The following CDH18 variants were observed in gnomAD, a reference collection of about 807,000 sequenced individuals.
CDH18 encodes the protein cadherin 18.
A neutral mutation model predicts 67.9 loss-of-function variants in CDH18; 31 were observed. The ratio of observed to expected loss-of-function variants is 0.46; its 90% confidence interval spans 0.34 to 0.62. The LOEUF is 0.62. Among genes scored for constraint, CDH18 ranks in the 20% least tolerant of loss-of-function variants. The probability of loss-of-function intolerance (pLI) is 0.01; values close to 1 mark genes in which losing one functional copy is unlikely to be tolerated. For missense variants in CDH18, 890 were observed against 975.5 expected, an observed-to-expected ratio of 0.91 and a Z score of 1.17; for synonymous variants, 362 against 347.2, an observed-to-expected ratio of 1.04 and a Z score of -0.48.
intron 2 of CDH18, among the ~76,000 whole-genome samples, chr5:20,068,080 TCTA>T (rs1743141629): frequency 6.6e-6 from 1 of 152,110 alleles, no homozygotes; most frequent in Non-Finnish European, 1.5e-5. Context: ...CAACGTGGAC[TCTA>T]CACTAAGTTC....
chr5:19,759,301 C>A lies in CDH18; in HGVS notation c.229-12065G>T, dbSNP rs185116923. On this transcript the variant is annotated intron_variant, in intron 3 of 12. Transcript: ENST00000382275. ...GAATCACCACCCTTGCATCTTTCAACTCCTTGATGGTGGCACTAATGTCTG... is the reference window on the plus strand; with the variant it reads ...GAATCACCACCCTTGCATCTTTCAAATCCTTGATGGTGGCACTAATGTCTG... Among the ~76,000 whole-genome samples, 541 of 152,300 alleles carry A rather than the reference C, an allele frequency of 3.6e-3. 3 individuals are homozygous for A. Among genetic ancestry groups the A allele is most frequent in the Non-Finnish European group, 6.2e-3 (423 of 68,018 alleles).
At chr5:19,937,781 T>A (rs893540693) in intron 2 of CDH18, among the ~76,000 whole-genome samples, 2 of 150,826 alleles carry the variant, frequency 1.3e-5, no homozygotes, top group Admixed American at 6.6e-5. Context: ...AACAAAAAAA[T>A]TTCAGCAGTT....
chr5:20,520,409 T>C (rs1463568040), intron 1 of CDH18, among the ~76,000 whole-genome samples: 1 of 152,086 alleles, frequency 6.6e-6, no homozygotes, highest in Non-Finnish European at 1.5e-5. Context: ...GGAAACGTTA[T>C]GGTAGAGTCT....
intron 2 of CDH18, among the ~76,000 whole-genome samples, chr5:20,125,519 T>TG (rs1475778130): frequency 6.6e-6 from 1 of 152,088 alleles, no homozygotes; most frequent in Non-Finnish European, 1.5e-5. Context: ...TATATTTCAT[T>TG]GGGGAAAAAA....
Position 19,520,682 on chromosome 5 carries a change from A to G in CDH18, c.1487T>C (p.Val496Ala), listed in dbSNP as rs377476706. ...PELAREYDIIVCENSKPGQVI... is the reference protein window; with the variant it reads ...PELAREYDIIACENSKPGQVI... ...CTGGCCAGGCTTAGAATTTTCACAT[A>G]CAATAATATCATATTCCCTGGCAAG... The change falls in exon 10 of 13, where the codon GTA becomes GCA. Residue 496 changes from valine to alanine, a missense_variant. Transcript: ENST00000382275. The G allele has an allele frequency of 3.8e-5, 61 of 1,612,318 alleles. No homozygotes were observed. Among genetic ancestry groups the G allele is most frequent in the Non-Finnish European group, 4.9e-5 (58 of 1,179,310 alleles).
intron 8 of CDH18, among the ~76,000 whole-genome samples, chr5:19,547,646 T>C (rs1736573654): frequency 2.6e-5 from 4 of 152,280 alleles, no homozygotes; most frequent in African/African-American, 9.6e-5. Flanking sequence ...AACATTTTAA[T>C]TTATATAGTT....
At chr5:20,144,173 G>A (rs1361017661) in intron 2 of CDH18, among the ~76,000 whole-genome samples, 2 of 152,078 alleles carry the variant, frequency 1.3e-5, no homozygotes, top group African/African-American at 2.4e-5. Context: ...CCACCTCTTT[G>A]AGGTTCCAGA....
intron 5 of CDH18, among the ~76,000 whole-genome samples, chr5:19,656,636 A>T (rs1756447833): frequency 6.6e-6 from 1 of 152,148 alleles, no homozygotes; most frequent in Non-Finnish European, 1.5e-5. Flanking sequence ...CTTTTGGTGC[A>T]AACAAGCAAA....
rs193148502 is a variant in CDH18, at chr5:20,167,567, T to C, written c.-518+87877A>G. Among the ~76,000 whole-genome samples the C allele has an allele frequency of 2.6e-5, 4 of 152,242 alleles. No individual in the cohort carries two copies. The East Asian group carries it at 7.7e-4, about 29-fold the overall frequency. The stretch of plus-strand genomic sequence containing the variant: ...ACCAAGAAAAACACTTGGTGCATAG[T>C]AGGCAATGGCGTTAGTTTGGGTACG... On this transcript the variant is annotated intron_variant, in intron 2 of 14. Coordinates refer to the CDH18 transcript ENST00000507958.
chr5:20,052,314 C>A (rs971773648), intron 2 of CDH18, among the ~76,000 whole-genome samples: 5 of 152,054 alleles, frequency 3.3e-5, no homozygotes, highest in African/African-American at 1.2e-4. Flanking sequence ...ATGATGGTAT[C>A]TCTTTGCTAG....
At chr5:19,608,606 A>C (rs1357660870) in intron 6 of CDH18, among the ~76,000 whole-genome samples, 1 of 151,832 alleles carries the variant, frequency 6.6e-6, no homozygotes, top group Non-Finnish European at 1.5e-5. Flanking sequence ...ATGTTTACTA[A>C]CTTTATGGGA....
chr5:19,957,553 A>G (rs1267388560), intron 2 of CDH18, among the ~76,000 whole-genome samples: 1 of 151,894 alleles, frequency 6.6e-6, no homozygotes, highest in Admixed American at 6.6e-5. Context: ...AAATGTTTCT[A>G]TTTAGAAACA....
At chr5:19,663,761 A>G (rs995740270) in intron 5 of CDH18, among the ~76,000 whole-genome samples, 1 of 151,950 alleles carries the variant, frequency 6.6e-6, no homozygotes, top group African/African-American at 2.4e-5. Flanking sequence ...CATTTAAATA[A>G]ATTTATTAAT....
At chr5:20,448,753 G>A (rs1222508923) in intron 1 of CDH18, among the ~76,000 whole-genome samples, 2 of 152,262 alleles carry the variant, frequency 1.3e-5, no homozygotes, top group Admixed American at 6.5e-5. Context: ...ACGTCTGCAG[G>A]TGGTGGGAAG....
chr5:19,787,946 A>C (rs1301622404), intron 3 of CDH18, among the ~76,000 whole-genome samples: 1 of 151,980 alleles, frequency 6.6e-6, no homozygotes, highest in Non-Finnish European at 1.5e-5. Context: ...ATTGGATAAT[A>C]AAAATAATAG....
At chr5:20,004,375 T>C (rs751323646) in intron 2 of CDH18, among the ~76,000 whole-genome samples, 2 of 152,204 alleles carry the variant, frequency 1.3e-5, no homozygotes, top group Non-Finnish European at 2.9e-5. Flanking sequence ...CTCACATGAA[T>C]GCTAAAGGAG....
intron 2 of CDH18, among the ~76,000 whole-genome samples, chr5:20,014,579 A>G (rs1737724390): frequency 6.6e-6 from 1 of 152,152 alleles, no homozygotes; most frequent in African/African-American, 2.4e-5. Context: ...ACAAAACAAA[A>G]CAAAATAATT....
chr5:20,211,802 A>C (rs992201652), intron 2 of CDH18, among the ~76,000 whole-genome samples: 3 of 152,180 alleles, frequency 2.0e-5, no homozygotes. Context: ...GACCAAAGGT[A>C]GACAAAACAA....
chr5:19,517,493 A>T (rs1441368780), intron 10 of CDH18, among the ~76,000 whole-genome samples: 1 of 152,076 alleles, frequency 6.6e-6, no homozygotes, highest in African/African-American at 2.4e-5. Context: ...CCTTTTATGG[A>T]TCATGCTTTT....
Sources: allele counts gnomAD v4.1 joint callset (sites outside exome capture counted in the v4.1 genomes callset), GRCh38; gene constraint gnomAD v4.1.1; transcripts MANE v1.5; gene names NCBI Gene and HGNC (gene_info 2026-07-23, HGNC 2026-07-21).